ADAM10: variants seen among roughly 807,000 people sequenced by gnomAD.
The protein encoded by ADAM10 is disintegrin and metalloproteinase domain-containing protein 10.
ADAM10 carries 17 observed loss-of-function variants against 90.1 expected under a neutral mutation model. The observed-to-expected ratio is 0.19, with a 90% CI of 0.13 to 0.28. The LOEUF is 0.28. ADAM10 is among the 10% of genes least tolerant of loss of function. ADAM10 has a pLI of 1.00. For synonymous variants in ADAM10, 310 were observed against 298.6 expected (o/e 1.04, Z -0.40); for missense variants, 610 against 914.3 (o/e 0.67, Z 4.29).
intron 4 of ADAM10, among the ~76,000 whole-genome samples, chr15:58,670,844 T>C (rs1436468844): frequency 6.6e-6 from 1 of 152,156 alleles, no homozygotes; most frequent in Non-Finnish European, 1.5e-5. Context: ...CCATGATCAA[T>C]CAAGATATTT....
intron 1 of ADAM10, among the ~76,000 whole-genome samples, chr15:58,723,074 A>G (rs1898912001): frequency 6.6e-6 from 1 of 152,014 alleles, no homozygotes; most frequent in Non-Finnish European, 1.5e-5. Context: ...ACAGTGTGCT[A>G]AATACAACAC....
chr15:58,630,073 C>A (rs1896060497), intron 9 of ADAM10, among the ~76,000 whole-genome samples: 1 of 152,120 alleles, frequency 6.6e-6, no homozygotes, highest in South Asian at 2.1e-4. Context: ...CACAGCTACC[C>A]TCCATGTGTA....
intron 4 of ADAM10, among the ~76,000 whole-genome samples, 155 bp downstream of exon 4, chr15:58,678,969 T>C (rs1435862571): frequency 1.3e-5 from 2 of 152,218 alleles, no homozygotes; most frequent in African/African-American, 4.8e-5. Context: ...TACATATATC[T>C]ACTATTCCTT....
intron 2 of ADAM10, among the ~76,000 whole-genome samples, chr15:58,705,050 A>G (rs8027998): frequency 0.25 from 37,544 of 152,070 alleles, 5,525 homozygotes; most frequent in East Asian, 0.52. Flanking sequence ...TTATAACCTA[A>G]TTTGGCTTTC....
At chr15:58,643,537 T>G (rs1896469206) in intron 7 of ADAM10, among the ~76,000 whole-genome samples, 1 of 152,098 alleles carries the variant, frequency 6.6e-6, no homozygotes, top group African/African-American at 2.4e-5. Context: ...CAAAGCAAAT[T>G]TTAGGAAACT....
chr15:58,707,090 G>A (rs793418), intron 2 of ADAM10, among the ~76,000 whole-genome samples: 73,827 of 148,940 alleles, frequency 0.5, 20,526 homozygotes, highest in African/African-American at 0.74. Context: ...TTGGGGGGGG[G>A]AAAAAAGCTC....
At chr15:58,677,678 T>C (rs1352533505) in intron 4 of ADAM10, among the ~76,000 whole-genome samples, 2 of 152,146 alleles carry the variant, frequency 1.3e-5, no homozygotes, top group African/African-American at 4.8e-5. Flanking sequence ...AAAGTATAAT[T>C]ACAATATGAT....
intron 3 of ADAM10, 25 bp downstream of exon 3, chr15:58,682,171 A>G (rs1186265526): frequency 1.9e-6 from 3 of 1,606,868 alleles, no homozygotes; most frequent in Middle Eastern, 1.8e-4. Flanking sequence ...ATGGAAGAAA[A>G]GGGTTCTGTT....
At chr15:58,724,593 G>A (rs1459577506) in intron 1 of ADAM10, among the ~76,000 whole-genome samples, 1 of 152,212 alleles carries the variant, frequency 6.6e-6, no homozygotes, top group Non-Finnish European at 1.5e-5. Context: ...AGTTCAGGGA[G>A]ATCAGGTATT....
At chr15:58,660,962 C>T (rs780590243) in intron 5 of ADAM10, among the ~76,000 whole-genome samples, 31 of 152,368 alleles carry the variant, frequency 2.0e-4, no homozygotes, top group Admixed American at 7.2e-4. Context: ...CAAAAGCAAA[C>T]ATCTGGCCCA....
At chr15:58,603,687 A>G (rs532735410) in intron 14 of ADAM10, among the ~76,000 whole-genome samples, 24 of 152,248 alleles carry the variant, frequency 1.6e-4, no homozygotes, top group African/African-American at 5.5e-4. Flanking sequence ...CTTCCCACCA[A>G]AGATTTCCAA....
rs140672478 is a variant in ADAM10 at position 58,639,752 on chromosome 15, G to T, written c.1012+1025C>A. On this transcript the variant is annotated intron_variant, in intron 8 of 15. Transcript: ENST00000260408. ...TGTAAAAGTATTGACTTAAGATACT[G>T]ACTTTTAAAAAAGGAGAAAGAAATA... Among the ~76,000 whole-genome samples the T allele has an allele frequency of 9.7e-3, 1,479 of 152,058 alleles. 22 individuals are homozygous for T. The highest frequency in any genetic ancestry group is 0.034 in the African/African-American group (1,397 of 41,466).
At chr15:58,636,622 T>C (rs1305055115) in intron 8 of ADAM10, among the ~76,000 whole-genome samples, 1 of 152,138 alleles carries the variant, frequency 6.6e-6, no homozygotes, top group African/African-American at 2.4e-5. Flanking sequence ...AAGGATTCAA[T>C]AAGCAACAAA....
chr15:58,621,738 G>T, intron 10 of ADAM10, 117 bp from the exon 11 acceptor site: 3 of 1,292,608 alleles, frequency 2.3e-6, no homozygotes, highest in Non-Finnish European at 3.3e-6. Flanking sequence ...TGATGAATAA[G>T]TAGAACAAAC....
At chr15:58,599,076 C>T (rs1206243238) in intron 15 of ADAM10, among the ~76,000 whole-genome samples, 1 of 148,776 alleles carries the variant, frequency 6.7e-6, no homozygotes, top group Non-Finnish European at 1.5e-5. Context: ...ATAGTCCCAG[C>T]TACTTAGGAG....
chr15:58,725,801 T>C lies in ADAM10; in HGVS notation c.56-8074A>G, dbSNP rs566101213. Among the ~76,000 whole-genome samples the C allele has an allele frequency of 3.4e-4, 51 of 152,144 alleles. 1 individual carries two copies. The highest frequency in any genetic ancestry group is 1.2e-3 in the African/African-American group (49 of 41,536). On this transcript the variant is annotated intron_variant, in intron 1 of 15. Transcript: ENST00000260408. ...CAAGAAAAAAAGAACTCTATCAACC[T>C]AAGATTCTATAGCCAGTGAAAATAA...
intron 14 of ADAM10, among the ~76,000 whole-genome samples, chr15:58,605,729 C>T (rs1357416343): frequency 6.6e-6 from 1 of 152,042 alleles, no homozygotes; most frequent in Admixed American, 6.6e-5. Flanking sequence ...AGACATCCAA[C>T]CATTTTTCAA....
rs765129408 is a variant in ADAM10, at chr15:58,621,466, G to C, written c.1511+5C>G. 4 of 1,613,976 alleles carry C rather than the reference G, an allele frequency of 2.5e-6. No individual in the cohort carries two copies. Among genetic ancestry groups the C allele is most frequent in the Non-Finnish European group, 3.4e-6 (4 of 1,179,978 alleles). On this transcript the variant is annotated splice_donor_5th_base_variant and intron_variant, in intron 11 of 15. Transcript: ENST00000260408. ...ATGTTAACATCACTGAAATTAGCAA[G>C]GTACCTGCACTGTTTCCCAGGTTTC...
In ADAM10 at chr15:58,693,160, G is replaced by A. The variant is rs748231613; in HGVS notation, c.207-10846C>T. The A allele has an allele frequency of 4.9e-5, 36 of 729,288 alleles. 2 individuals carry two copies. Among genetic ancestry groups the A allele is most frequent in the South Asian group, 3.0e-4 (22 of 74,102 alleles). 45.2% of individuals were successfully genotyped at this position (729,288 alleles called of 1,614,324 possible). The stretch of plus-strand genomic sequence containing the variant: ...AATTTCTGCCTAAAAGGCAAAAGTC[G>A]CCACCTCCCCTTCTCCATGGTACAC... On this transcript the variant is annotated intron_variant, in intron 2 of 15. Transcript: ENST00000260408.
Sources: gnomAD v4.1 joint callset for allele counts (sites outside exome capture counted in the v4.1 genomes callset) on GRCh38, gnomAD v4.1.1 for gene constraint, MANE v1.5 for transcripts, NCBI Gene and HGNC (gene_info 2026-07-23, HGNC 2026-07-21) for gene names.